Variants in TFAP2D observed in about 807,000 individuals in gnomAD.
The protein encoded by TFAP2D is transcription factor AP-2-delta.
In TFAP2D, 9 loss-of-function variants were observed where a neutral mutation model predicts 43.6. The ratio of observed to expected loss-of-function variants is 0.21; its 90% CI spans 0.12 to 0.36. TFAP2D has a LOEUF of 0.36. TFAP2D is among the 10% of genes least tolerant of loss of function. The pLI is 1.00. For synonymous variants in TFAP2D, 256 were observed against 224.9 expected, an observed-to-expected ratio of 1.14 and a Z score of -1.24; for missense variants, 513 against 561.4, an observed-to-expected ratio of 0.91 and a Z score of 0.87.
At chr6:50,726,348 C>T (rs1022899550) in intron 3 of TFAP2D, among the ~76,000 whole-genome samples, 1 of 152,124 alleles carries the variant, frequency 6.6e-6, no homozygotes, top group Non-Finnish European at 1.5e-5. Context: ...TGTGGTATTC[C>T]CTACCCTTAG....
intron 1 of TFAP2D, 125 bp downstream of exon 1, chr6:50,714,219 T>A: frequency 9.6e-7 from 1 of 1,046,100 alleles, no homozygotes; most frequent in Non-Finnish European, 1.4e-6. Context: ...CCGTTACGTT[T>A]AATTATAATC....
intron 7 of TFAP2D, among the ~76,000 whole-genome samples, chr6:50,763,757 T>C (rs1489763126): frequency 6.6e-6 from 1 of 152,132 alleles, no homozygotes; most frequent in Non-Finnish European, 1.5e-5. Context: ...GTCATGAAAG[T>C]CTATAGACTT....
At chr6:50,750,986 T>C (rs1769192925) in intron 6 of TFAP2D, among the ~76,000 whole-genome samples, 1 of 151,970 alleles carries the variant, frequency 6.6e-6, no homozygotes. Flanking sequence ...TGCTCATGGA[T>C]TGTTATTTGT....
rs546391396 is a variant in TFAP2D, at chr6:50,713,990, AT to A, written c.-57del. 2.7e-5 allele frequency: 42 copies of A among 1,569,066 alleles called. No homozygotes were observed. The highest frequency in any genetic ancestry group is 1.7e-4 in the Middle Eastern group (1 of 5,940). ...AAATTGGAAAATACAAGAAGTTTGG[AT>A]TTTTTTTTCCCGATTCTTTTTTTGG... On this transcript the variant is annotated 5_prime_UTR_variant, in exon 1 of 8. Coordinates refer to ENST00000008391, the MANE Select transcript of TFAP2D (RefSeq NM_172238.4).
At chr6:50,721,700 A>C (rs1374857775) in intron 3 of TFAP2D, among the ~76,000 whole-genome samples, 1 of 152,240 alleles carries the variant, frequency 6.6e-6, no homozygotes, top group Non-Finnish European at 1.5e-5. Context: ...GATACTGTCT[A>C]AAAGCTAAGA....
chr6:50,715,721 C>CCTCT (rs3835217), intron 2 of TFAP2D, 108 bp downstream of exon 2: 11 of 527,482 alleles, frequency 2.1e-5, no homozygotes, highest in African/African-American at 2.0e-4. Flanking sequence ...TCTCTCTTCT[C>CCTCT]CTCTCTCTCT....
At chr6:50,751,412 T>C in intron 7 of TFAP2D, 88 bp downstream of exon 7, 1 of 866,126 alleles carries the variant, frequency 1.2e-6, no homozygotes, top group Non-Finnish European at 1.9e-6. Context: ...ATACCACTTA[T>C]ATGTTTATAT....
chr6:50,746,347 C>T (rs1274020360), intron 6 of TFAP2D, among the ~76,000 whole-genome samples: 2 of 152,046 alleles, frequency 1.3e-5, no homozygotes, highest in South Asian at 2.1e-4. Flanking sequence ...ATGTGATCCT[C>T]CCACCTCAGC....
At position 50,719,478 on chromosome 6, in the gene TFAP2D, A is replaced by AAAGAAAGAAAGAAAGAAAGG. The variant is rs1554151938; in HGVS notation, c.598+347_598+348insGAAGAAAGAAAGAAAGAAAG. On this transcript the variant is annotated intron_variant, in intron 3 of 7. Coordinates refer to ENST00000008391, the MANE Select transcript of TFAP2D (RefSeq NM_172238.4). Reference sequence around the variant, plus strand: ...GAAAGAAAGAAAGAAAGAAAGAAAGAAAGAAAGAAAGAAAGAAAGAAAGAA... The same window carrying AAAGAAAGAAAGAAAGAAAGG: ...GAAAGAAAGAAAGAAAGAAAGAAAGAAAGAAAGAAAGAAAGAAAGGAAGAAAGAAAGAAAGAAAGAAAGAA... 4.0e-3 allele frequency among the ~76,000 whole-genome samples: 545 copies of AAAGAAAGAAAGAAAGAAAGG among 137,530 alleles called. 1 individual carries two copies. Among genetic ancestry groups the AAAGAAAGAAAGAAAGAAAGG allele is most frequent in the African/African-American group, 0.013 (509 of 40,066 alleles). The allele number at this position is 137,530 out of a possible 152,430, so 90.2% of individuals were successfully genotyped here. A position where few individuals can be genotyped will look rare whatever the true frequency, so the allele number is the denominator to read the frequency against.
At chr6:50,734,563 T>C (rs1768937281) in intron 5 of TFAP2D, among the ~76,000 whole-genome samples, 1 of 152,110 alleles carries the variant, frequency 6.6e-6, no homozygotes, top group Non-Finnish European at 1.5e-5. Context: ...TTACTCTGCC[T>C]AAGTCTTAGG....
At chr6:50,768,188 C>T (rs561262550) in intron 7 of TFAP2D, among the ~76,000 whole-genome samples, 51 of 148,264 alleles carry the variant, frequency 3.4e-4, no homozygotes, top group African/African-American at 1.0e-3. Context: ...GACTATAGTT[C>T]GTTACCTTGC....
intron 7 of TFAP2D, among the ~76,000 whole-genome samples, chr6:50,754,883 A>G (rs1487508493): frequency 6.6e-6 from 1 of 151,808 alleles, no homozygotes; most frequent in East Asian, 1.9e-4. Context: ...TAGATGTATA[A>G]TTTGCAAATT....
In TFAP2D at chr6:50,714,363, AG is replaced by A. The variant is rs1389952798; in HGVS notation, c.39+275del. 6.6e-5 allele frequency among the ~76,000 whole-genome samples: 10 copies of A among 151,886 alleles called. No homozygotes were observed. The South Asian group carries it at 2.1e-3, about 32-fold the overall frequency. On this transcript the variant is annotated intron_variant, in intron 1 of 7. Transcript: ENST00000008391. ...GGGAAAACATAATCTTAATAATAAA[AG>A]GGGGGAGTGAAGAGAAAGAGATAGA...
At chr6:50,766,101 A>G (rs1769437728) in intron 7 of TFAP2D, among the ~76,000 whole-genome samples, 1 of 152,196 alleles carries the variant, frequency 6.6e-6, no homozygotes, top group African/African-American at 2.4e-5. Flanking sequence ...CAGTTTTTCT[A>G]GAACCATTTA....
intron 5 of TFAP2D, among the ~76,000 whole-genome samples, chr6:50,732,273 C>A (rs1405939126): frequency 6.6e-6 from 1 of 151,998 alleles, no homozygotes; most frequent in Non-Finnish European, 1.5e-5. Context: ...CCTTTATCTT[C>A]TGGATTTTCT....
At chr6:50,762,447 G>A (rs1420236668) in intron 7 of TFAP2D, among the ~76,000 whole-genome samples, 1 of 151,806 alleles carries the variant, frequency 6.6e-6, no homozygotes, top group Non-Finnish European at 1.5e-5. Context: ...TCTACCCAGT[G>A]GTATTCTTCA....
chr6:50,757,660 A>AT (rs1769298185), intron 7 of TFAP2D, among the ~76,000 whole-genome samples: 1 of 77,766 alleles, frequency 1.3e-5, no homozygotes, highest in African/African-American at 5.5e-5. Context: ...TATATAGAAT[A>AT]TATATAATTA....
chr6:50,719,186 T>C (rs778460745), intron 3 of TFAP2D, 36 bp downstream of exon 3: 8 of 1,596,666 alleles, frequency 5.0e-6, no homozygotes, highest in Non-Finnish European at 6.9e-6. Context: ...ACCCTAGACA[T>C]TCTTCTCCTA....
In TFAP2D at chr6:50,713,893, G is replaced by C; in HGVS notation, c.-163G>C. On this transcript the variant is annotated 5_prime_UTR_variant, in exon 1 of 8. Transcript: ENST00000008391. Reference sequence around the variant, plus strand: ...AGGTTTTTAAGTGGGTACGAGGCAAGGAGCTATCTGATCCGGGCAAAACCA... The same window carrying C: ...AGGTTTTTAAGTGGGTACGAGGCAACGAGCTATCTGATCCGGGCAAAACCA... 9.5e-7 allele frequency: 1 copy of C among 1,050,830 alleles called. No homozygotes were observed. Among genetic ancestry groups the C allele is most frequent in the South Asian group, 1.5e-5 (1 of 68,414 alleles). 65.1% of individuals were successfully genotyped at this position (1,050,830 alleles called of 1,614,324 possible).
Sources: allele counts gnomAD v4.1 joint callset (sites outside exome capture counted in the v4.1 genomes callset), GRCh38; gene constraint gnomAD v4.1.1; transcripts MANE v1.5; gene names NCBI Gene and HGNC (gene_info 2026-07-23, HGNC 2026-07-21).